The following JAKMIP1 variants were observed in gnomAD, a reference collection of about 807,000 sequenced individuals.
The protein encoded by JAKMIP1 is janus kinase and microtubule interacting protein 1.
JAKMIP1 carries 33 observed loss-of-function variants against 113.0 expected under a neutral mutation model. That is an observed-to-expected ratio of 0.29 (90% CI 0.22 to 0.39). The LOEUF is 0.39. Among genes scored for constraint, JAKMIP1 ranks in the 10% least tolerant of loss-of-function variants. JAKMIP1 has a pLI of 1.00. For missense variants in JAKMIP1, 813 were observed against 1,080.5 expected, an observed-to-expected ratio of 0.75 and a Z score of 3.47; for synonymous variants, 480 against 459.9, an observed-to-expected ratio of 1.04 and a Z score of -0.56.
intron 3 of JAKMIP1, among the ~76,000 whole-genome samples, chr4:6,102,065 GTTT>G (rs1050277650): frequency 6.6e-6 from 1 of 152,162 alleles, no homozygotes; most frequent in African/African-American, 2.4e-5. Flanking sequence ...TCTCAGCAAT[GTTT>G]TATAGTTTTC....
chr4:6,047,899 C>A (rs1400510106), intron 16 of JAKMIP1, among the ~76,000 whole-genome samples: 3 of 152,134 alleles, frequency 2.0e-5, no homozygotes, highest in Non-Finnish European at 2.9e-5. Context: ...TGTTTTGTAA[C>A]AAACAGGTCA....
chr4:6,122,823 C>G (rs562350639), intron 1 of JAKMIP1, among the ~76,000 whole-genome samples: 112 of 152,308 alleles, frequency 7.4e-4, no homozygotes, highest in African/African-American at 2.4e-3. Flanking sequence ...CTGCCACTTA[C>G]TAGCTGTGTG....
At chr4:6,182,687 T>C (rs1162890113) in intron 1 of JAKMIP1, among the ~76,000 whole-genome samples, 1 of 152,092 alleles carries the variant, frequency 6.6e-6, no homozygotes, top group African/African-American at 2.4e-5. Flanking sequence ...TCTGAGACAG[T>C]AGGTAACAGC....
rs1468771181 is a variant in JAKMIP1, at chr4:6,199,238, A to C, written c.-148+1015T>G. On this transcript the variant is annotated intron_variant, in intron 1 of 20. Coordinates refer to ENST00000409021, the MANE Select transcript of JAKMIP1 (RefSeq NM_001099433.2). This position sits in a 1 kb window ranked among gnomAD's most constrained non-coding sequence, Gnocchi z 5.6. ...GATACAGTATCGCTGGAGCTCAGAG[A>C]GCCGGGCAGAGGCTGGCGGAGAGCC... is the stretch of plus-strand genomic sequence containing the variant. Among the ~76,000 whole-genome samples, 2 of 152,194 alleles carry C rather than the reference A, an allele frequency of 1.3e-5. No homozygotes were observed. The highest frequency in any genetic ancestry group is 2.9e-5 in the Non-Finnish European group (2 of 68,034).
intron 11 of JAKMIP1, among the ~76,000 whole-genome samples, chr4:6,057,537 C>T (rs976561016): frequency 6.6e-6 from 1 of 152,242 alleles, no homozygotes; most frequent in African/African-American, 2.4e-5. Flanking sequence ...TTCTGTCTCC[C>T]TGGCACCTGG....
intron 4 of JAKMIP1, 21 bp downstream of exon 4, chr4:6,085,399 G>T: frequency 6.2e-7 from 1 of 1,607,012 alleles, no homozygotes; most frequent in South Asian, 1.1e-5. Flanking sequence ...CCTGAGGCTG[G>T]CACAAGCTGC....
At position 6,164,629 on chromosome 4, in the gene JAKMIP1, G is replaced by T. The variant is rs112986324; in HGVS notation, c.-148+35624C>A. On this transcript the variant is annotated intron_variant, in intron 1 of 20. Transcript: ENST00000409021. ...AGTACATTGAAAACCTCCTGGAAAA[G>T]ATTCATCATTCTAGATGCATTAAGA... is the stretch of plus-strand genomic sequence containing the variant. Among the ~76,000 whole-genome samples the T allele has an allele frequency of 4.2e-3, 642 of 152,310 alleles. 4 individuals are homozygous for T. The highest frequency in any genetic ancestry group is 0.014 in the African/African-American group (594 of 41,560).
rs1722584869 is a variant in JAKMIP1 at position 6,158,993 on chromosome 4, G to A, written c.-148+41260C>T. ...AGTCCCAGCTATTCAAGAGGCTGAG[G>A]TAGGAAGATAGCTTGAGCCCTGGAG... On this transcript the variant is annotated intron_variant, in intron 1 of 20. Transcript: ENST00000409021. The surrounding 1 kb of genome is among the most constrained non-coding windows in gnomAD (Gnocchi z 5.3). Among the ~76,000 whole-genome samples the A allele has an allele frequency of 6.6e-6, 1 of 151,786 alleles. No individual in the cohort carries two copies. Among genetic ancestry groups the A allele is most frequent in the South Asian group, 2.1e-4 (1 of 4,804 alleles).
intron 3 of JAKMIP1, among the ~76,000 whole-genome samples, chr4:6,091,998 A>G (rs1471209789): frequency 6.6e-6 from 1 of 152,150 alleles, no homozygotes; most frequent in Non-Finnish European, 1.5e-5. Context: ...GGAGGTTCTT[A>G]GTTTCTAAGA....
chr4:6,082,856 C>T (rs905250185), intron 5 of JAKMIP1, among the ~76,000 whole-genome samples: 1 of 152,052 alleles, frequency 6.6e-6, no homozygotes, highest in Admixed American at 6.6e-5. Context: ...GTGAACAGAC[C>T]ATGGTATATC....
chr4:6,035,938 C>T lies in JAKMIP1; in HGVS notation c.2345G>A (p.Arg782Gln), dbSNP rs577713266. 1.9e-6 allele frequency: 3 copies of T among 1,551,290 alleles called. No individual in the cohort carries two copies. Among genetic ancestry groups the T allele is most frequent in the African/African-American group, 1.4e-5 (1 of 73,192 alleles). The change falls in exon 19 of 21, where the codon CGG becomes CAG. Residue 782 changes from arginine to glutamine, a missense_variant. Around this residue, in one of 2 missense-constraint regions of JAKMIP1, gnomAD observed 273 missense variants for 426.6 expected, o/e 0.64. Transcript: ENST00000409021. Reference protein sequence around the residue: ...QSREFDSQILRERMELLQQAQ... With the variant: ...QSREFDSQILQERMELLQQAQ... ...CTGCTGCAGCAGCTCCATGCGCTCC[C>T]GCAGGATCTGGCTGTCGAACTCGCG...
In JAKMIP1 at chr4:6,156,423, G is replaced by A. The variant is rs775064759; in HGVS notation, c.-147-43426C>T. Among the ~76,000 whole-genome samples, 11 of 152,162 alleles carry A rather than the reference G, an allele frequency of 7.2e-5. No individual in the cohort carries two copies. The highest frequency in any genetic ancestry group is 5.9e-5 in the Non-Finnish European group (4 of 68,036). On this transcript the variant is annotated intron_variant, in intron 1 of 20. Coordinates refer to ENST00000409021, the MANE Select transcript of JAKMIP1 (RefSeq NM_001099433.2). This position sits in a 1 kb window ranked among gnomAD's most constrained non-coding sequence, Gnocchi z 5.0. ...AGCAGCTTAGATTTAATAAAATACG[G>A]TACCTAACAGAGTCCAGAATTCTGA... is the stretch of plus-strand genomic sequence containing the variant.
At chr4:6,152,661 G>A (rs1721712790) in intron 1 of JAKMIP1, among the ~76,000 whole-genome samples, 1 of 151,306 alleles carries the variant, frequency 6.6e-6, no homozygotes, top group South Asian at 2.1e-4. Context: ...GGGCATCCTG[G>A]CCGAGTGTGG....
chr4:6,084,813 A>G, intron 5 of JAKMIP1, 33 bp downstream of exon 5: 2 of 1,606,594 alleles, frequency 1.2e-6, no homozygotes, highest in South Asian at 1.1e-5. Context: ...CTTGCACCCT[A>G]TGAGGCACCG....
intron 8 of JAKMIP1, chr4:6,070,154 A>G (rs1718754882): frequency 1.3e-5 from 5 of 398,790 alleles, no homozygotes; most frequent in Non-Finnish European, 2.2e-5. Flanking sequence ...CAAAGAGGAC[A>G]TATTCCATGG....
Position 6,153,035 on chromosome 4 carries a change from G to A in JAKMIP1, c.-147-40038C>T, listed in dbSNP as rs954859552. Among the ~76,000 whole-genome samples the A allele has an allele frequency of 6.6e-6, 1 of 151,984 alleles. No homozygotes were observed. The highest frequency in any genetic ancestry group is 2.4e-5 in the African/African-American group (1 of 41,358). The stretch of plus-strand genomic sequence containing the variant: ...TCTAGGAAACCCACATCACCTTCCT[G>A]TTAACCTGAGCTCAGTCTGTTTTTC... On this transcript the variant is annotated intron_variant, in intron 1 of 20. Transcript: ENST00000409021. The surrounding 1 kb of genome is among the most constrained non-coding windows in gnomAD (Gnocchi z 4.9).
At position 6,140,854 on chromosome 4, in the gene JAKMIP1, G is replaced by A. The variant is rs1394809712; in HGVS notation, c.-147-27857C>T. 6.6e-6 allele frequency among the ~76,000 whole-genome samples: 1 copy of A among 152,174 alleles called. No individual in the cohort carries two copies. The highest frequency in any genetic ancestry group is 2.1e-4 in the South Asian group (1 of 4,826). On this transcript the variant is annotated intron_variant, in intron 1 of 20. Coordinates refer to ENST00000409021, the MANE Select transcript of JAKMIP1 (RefSeq NM_001099433.2). This position sits in a 1 kb window ranked among gnomAD's most constrained non-coding sequence, Gnocchi z 9.4. ...TCAGGTCAGCCACAGGCACTGGTTG[G>A]AGCTCATCTGTCCTCAGCACAGTGC...
At chr4:6,082,865 T>A (rs1578184063) in intron 5 of JAKMIP1, among the ~76,000 whole-genome samples, 1 of 152,054 alleles carries the variant, frequency 6.6e-6, no homozygotes, top group East Asian at 1.9e-4. Context: ...CCATGGTATA[T>A]CCACACAATG....
chr4:6,198,303 G>A (rs1728060806), intron 1 of JAKMIP1, among the ~76,000 whole-genome samples: 1 of 112,610 alleles, frequency 8.9e-6, no homozygotes. Flanking sequence ...AGGGAGGGGA[G>A]CATTGTTTTA....
Sources: gnomAD v4.1 joint callset for allele counts (sites outside exome capture counted in the v4.1 genomes callset) on GRCh38, gnomAD v4.1.1 for gene constraint, gnomAD v4.1.1 regional missense constraint, Gnocchi (gnomAD v3.1) non-coding constraint, MANE v1.5 for transcripts, NCBI Gene and HGNC (gene_info 2026-07-23, HGNC 2026-07-21) for gene names.